ZNF423: variants seen among roughly 807,000 people sequenced by gnomAD.
ZNF423 encodes the protein zinc finger protein 423, also known as Ebf-associated zinc finger protein.
A neutral mutation model predicts 95.8 loss-of-function variants in ZNF423; 12 were observed. The observed-to-expected ratio is 0.13, with a 90% CI of 0.08 to 0.20. ZNF423 has a LOEUF of 0.20. Among genes scored for constraint, ZNF423 ranks in the 10% least tolerant of loss-of-function variants. The pLI, the probability that ZNF423 is intolerant of heterozygous loss-of-function variation, is 1.00. For missense variants in ZNF423, 1,316 were observed against 1,737.1 expected (o/e 0.76, Z 4.31); for synonymous variants, 749 against 711.9 (o/e 1.05, Z -0.83).
At chr16:49,634,532 T>C (rs1972614633) in intron 4 of ZNF423, among the ~76,000 whole-genome samples, 1 of 151,582 alleles carries the variant, frequency 6.6e-6, no homozygotes, top group Non-Finnish European at 1.5e-5. Context: ...CCCTCTGCCC[T>C]CCTCACCCCC....
At chr16:49,820,189 G>A (rs1323081429) in intron 1 of ZNF423, among the ~76,000 whole-genome samples, 4 of 152,042 alleles carry the variant, frequency 2.6e-5, no homozygotes, top group African/African-American at 9.7e-5. Flanking sequence ...ACTCCGAAAG[G>A]GGCAGAGACT....
chr16:49,597,865 G>A (rs1048941573), intron 5 of ZNF423, among the ~76,000 whole-genome samples: 7 of 152,134 alleles, frequency 4.6e-5, no homozygotes, highest in African/African-American at 1.7e-4. Flanking sequence ...AAGAGGGCAG[G>A]ACCACAGCCC....
At chr16:49,491,867 C>T (rs1168727491) in intron 7 of ZNF423, among the ~76,000 whole-genome samples, 1 of 152,178 alleles carries the variant, frequency 6.6e-6, no homozygotes, top group African/African-American at 2.4e-5. Flanking sequence ...GCGGCCCAGG[C>T]AGGGGACAGG....
intron 3 of ZNF423, among the ~76,000 whole-genome samples, chr16:49,694,352 A>G (rs1439708297): frequency 1.3e-5 from 2 of 152,216 alleles, no homozygotes; most frequent in Non-Finnish European, 2.9e-5. Context: ...AGAACAAAGC[A>G]TGAGTCTTTG....
chr16:49,827,764 T>G (rs2035021097), intron 1 of ZNF423, among the ~76,000 whole-genome samples: 3 of 152,180 alleles, frequency 2.0e-5, no homozygotes, highest in Admixed American at 2.0e-4. Context: ...ACAATCCTAC[T>G]GCCTCGGCCT....
At chr16:49,842,373 G>GAAGGAAGGAAGGA (rs2035197357) in intron 1 of ZNF423, among the ~76,000 whole-genome samples, 1 of 74,516 alleles carries the variant, frequency 1.3e-5, no homozygotes, top group Non-Finnish European at 2.9e-5. Flanking sequence ...AGACAGGAAG[G>GAAGGAAGGAAGGA]AAGGAAGGAA....
At chr16:49,669,481 A>G (rs916872361) in intron 3 of ZNF423, among the ~76,000 whole-genome samples, 2 of 152,162 alleles carry the variant, frequency 1.3e-5, no homozygotes, top group African/African-American at 4.8e-5. Flanking sequence ...TCCCCTGCCC[A>G]GCACAGATTC....
chr16:49,533,006 G>A (rs944841551), intron 5 of ZNF423, among the ~76,000 whole-genome samples: 6 of 152,102 alleles, frequency 3.9e-5, no homozygotes, highest in African/African-American at 1.4e-4. Flanking sequence ...GGTGGGAAGG[G>A]TCACCCCCCA....
intron 2 of ZNF423, among the ~76,000 whole-genome samples, chr16:49,732,398 G>T (rs908223330): frequency 6.6e-6 from 1 of 152,160 alleles, no homozygotes; most frequent in African/African-American, 2.4e-5. Context: ...AGAGACCCTC[G>T]GATTGGAAAA....
rs564350406 is a variant in ZNF423, at chr16:49,790,108, C to G, written c.41-562G>C. ...AGCCCAGGCTGGTAGAGGCCATGCA[C>G]TAGGAGAATATGGGAGAAACACTAC... On this transcript the variant is annotated intron_variant, in intron 1 of 7. Coordinates refer to ENST00000563137, the MANE Select transcript of ZNF423 (RefSeq NM_001379286.1). 6.2e-4 allele frequency among the ~76,000 whole-genome samples: 95 copies of G among 152,322 alleles called. 1 individual carries two copies. Among genetic ancestry groups the G allele is most frequent in the African/African-American group, 2.2e-3 (93 of 41,578 alleles).
In ZNF423 at chr16:49,514,210, A is replaced by ACG. The variant is rs1161484538; in HGVS notation, c.3849+9413_3849+9414insCG. On this transcript the variant is annotated intron_variant, in intron 7 of 7. Coordinates refer to ENST00000563137, the MANE Select transcript of ZNF423 (RefSeq NM_001379286.1). ...AACACACACACACACACACACACAC[A>ACG]CATGCACACGCACATGCGTACACAC... is the stretch of plus-strand genomic sequence containing the variant. Among the ~76,000 whole-genome samples the ACG allele has an allele frequency of 1.4e-3, 73 of 54,074 alleles. 1 individual carries two copies. The highest frequency in any genetic ancestry group is 5.2e-3 in the African/African-American group (52 of 9,952). The allele number at this position is 54,074 out of a possible 152,430, so 35.5% of individuals were successfully genotyped here. A position where few individuals can be genotyped will look rare whatever the true frequency, so the allele number is the denominator to read the frequency against.
chr16:49,801,833 G>A (rs2034587149), intron 1 of ZNF423, among the ~76,000 whole-genome samples: 4 of 152,076 alleles, frequency 2.6e-5, no homozygotes, highest in Admixed American at 2.0e-4. Context: ...GAGCTAGGAT[G>A]GGGTATAGCC....
chr16:49,774,240 C>A (rs1428951569), intron 2 of ZNF423, among the ~76,000 whole-genome samples: 1 of 152,200 alleles, frequency 6.6e-6, no homozygotes, highest in East Asian at 1.9e-4. Context: ...CATTTCCTCC[C>A]CTTCCAGCCC....
intron 3 of ZNF423, among the ~76,000 whole-genome samples, chr16:49,669,018 G>A (rs1421095799): frequency 1.3e-5 from 2 of 152,252 alleles, no homozygotes; most frequent in East Asian, 3.9e-4. Flanking sequence ...GTGGGGAGTG[G>A]GGAGTGCAGC....
At chr16:49,542,124 C>G (rs1244337908) in intron 5 of ZNF423, among the ~76,000 whole-genome samples, 1 of 152,214 alleles carries the variant, frequency 6.6e-6, no homozygotes, top group African/African-American at 2.4e-5. Flanking sequence ...CAGCCCCTGC[C>G]TTGCAGATCT....
At chr16:49,568,989 ACCCCACCAGC>A (rs1216439382) in intron 5 of ZNF423, among the ~76,000 whole-genome samples, 3 of 151,508 alleles carry the variant, frequency 2.0e-5, no homozygotes, top group African/African-American at 7.3e-5. Flanking sequence ...GTCAGATTAG[ACCCCACCAGC>A]CCCTTCTAGT....
intron 3 of ZNF423, among the ~76,000 whole-genome samples, chr16:49,667,683 AC>A (rs1175628395): frequency 6.6e-6 from 1 of 152,170 alleles, no homozygotes; most frequent in Non-Finnish European, 1.5e-5. Context: ...GGAGTTCAAG[AC>A]CAGCTTGGGC....
chr16:49,849,685 G>A (rs1165971598), intron 1 of ZNF423, among the ~76,000 whole-genome samples: 1 of 152,120 alleles, frequency 6.6e-6, no homozygotes, highest in African/African-American at 2.4e-5. Context: ...TAAACAGAGG[G>A]AGGCAGGTTA....
intron 5 of ZNF423, 36 bp downstream of exon 5, chr16:49,626,134 T>G: frequency 6.2e-7 from 1 of 1,603,732 alleles, no homozygotes; most frequent in South Asian, 1.1e-5. Context: ...CCCCAAAGAG[T>G]AGCTCCAGCA....
Sources: gnomAD v4.1 joint callset for allele counts (sites outside exome capture counted in the v4.1 genomes callset) on GRCh38, gnomAD v4.1.1 for gene constraint, MANE v1.5 for transcripts, NCBI Gene and HGNC (gene_info 2026-07-23, HGNC 2026-07-21) for gene names.